Variants in ADAP1 observed in about 807,000 individuals in gnomAD.
ADAP1 encodes the protein ArfGAP with dual PH domains 1, also known as arf-GAP with dual PH domain-containing protein 1.
A neutral mutation model predicts 54.9 loss-of-function variants in ADAP1; 31 were observed. That is an observed-to-expected ratio of 0.56 (90% CI 0.42 to 0.76). The LOEUF is 0.76. ADAP1 is among the 30% of genes least tolerant of loss of function. ADAP1 has a pLI of 0.00. For missense variants in ADAP1, 535 were observed against 512.4 expected (o/e 1.04, Z -0.42); for synonymous variants, 313 against 202.6 (o/e 1.55, Z -4.63).
chr7:904,072 C>A, intron 6 of ADAP1, 54 bp downstream of exon 6: 1 of 1,600,818 alleles, frequency 6.2e-7, no homozygotes. Context: ...GCCACCCGGG[C>A]CTGAGGGCCC....
chr7:912,126 C>T lies in ADAP1; in HGVS notation c.389-6954G>A, dbSNP rs137975027. Among the ~76,000 whole-genome samples, 928 of 152,286 alleles carry T rather than the reference C, an allele frequency of 6.1e-3. 13 individuals are homozygous for T. The highest frequency in any genetic ancestry group is 0.021 in the African/African-American group (867 of 41,558). The stretch of plus-strand genomic sequence containing the variant: ...GGCTCCGTCTGCCCTGTGACATTTA[C>T]GGCAACGGTCGGCCCATCCCTGCCT... On this transcript the variant is annotated intron_variant, in intron 4 of 10. Coordinates refer to ENST00000265846, the MANE Select transcript of ADAP1 (RefSeq NM_006869.4).
intron 1 of ADAP1, among the ~76,000 whole-genome samples, chr7:936,242 C>G (rs1425524957): frequency 2.0e-5 from 3 of 150,966 alleles, no homozygotes; most frequent in Non-Finnish European, 2.9e-5. Context: ...AGTCTGTTGC[C>G]CAGGCTGGAG....
chr7:948,902 G>A (rs1847203972), intron 1 of ADAP1, among the ~76,000 whole-genome samples: 1 of 152,070 alleles, frequency 6.6e-6, no homozygotes, highest in Non-Finnish European at 1.5e-5. Context: ...TCACCATGTT[G>A]GCCAGGATGG....
intron 1 of ADAP1, 152 bp downstream of exon 1, chr7:954,244 T>A: frequency 1.3e-6 from 1 of 767,336 alleles, no homozygotes; most frequent in Middle Eastern, 6.6e-4. Context: ...CCGGGCCCCA[T>A]CCGAGCGCCG....
chr7:899,305 A>C (rs747562350), intron 9 of ADAP1, 44 bp from the exon 10 acceptor site: 6 of 1,608,240 alleles, frequency 3.7e-6, no homozygotes, highest in Non-Finnish European at 4.3e-6. Flanking sequence ...TGTCCCTTCC[A>C]GCCCCGCTTC....
At chr7:907,836 G>A (rs1312700569) in intron 4 of ADAP1, among the ~76,000 whole-genome samples, 1 of 152,118 alleles carries the variant, frequency 6.6e-6, no homozygotes, top group East Asian at 1.9e-4. Flanking sequence ...GACTCTCCTG[G>A]GATCACGGGG....
chr7:914,854 C>T (rs1845866793), intron 4 of ADAP1, among the ~76,000 whole-genome samples: 1 of 152,136 alleles, frequency 6.6e-6, no homozygotes, highest in Admixed American at 6.5e-5. Context: ...GCAGCCAGGC[C>T]TTCGTGCCTA....
intron 5 of ADAP1, among the ~76,000 whole-genome samples, chr7:904,825 G>C (rs775472912): frequency 2.0e-5 from 3 of 152,222 alleles, no homozygotes; most frequent in Non-Finnish European, 2.9e-5. Flanking sequence ...GAGTTCAGGG[G>C]GCCCCGCCCG....
At chr7:922,351 A>T (rs1846220807) in intron 3 of ADAP1, among the ~76,000 whole-genome samples, 1 of 152,144 alleles carries the variant, frequency 6.6e-6, no homozygotes. Context: ...GGTCCCCTCA[A>T]CGCAGAGCAA....
chr7:899,002 T>A, intron 10 of ADAP1, 31 bp downstream of exon 10: 1 of 1,609,654 alleles, frequency 6.2e-7, no homozygotes, highest in Non-Finnish European at 8.5e-7. Flanking sequence ...CTGGGAGCCC[T>A]TCCAGGCCGC....
At chr7:923,407 G>T (rs568365017) in intron 3 of ADAP1, 1 of 152,020 alleles carries the variant, frequency 6.6e-6, no homozygotes, top group Non-Finnish European at 1.5e-5. Context: ...AGGAAGCAGG[G>T]AGGGGCCGGT....
intron 4 of ADAP1, among the ~76,000 whole-genome samples, chr7:906,759 CAGGGG>C (rs1845455423): frequency 4.3e-4 from 7 of 16,172 alleles, no homozygotes; most frequent in African/African-American, 1.4e-3. Flanking sequence ...GGGACATGGA[CAGGGG>C]ACATGGGGGA....
At chr7:914,468 G>C (rs1466132829) in intron 4 of ADAP1, among the ~76,000 whole-genome samples, 1 of 152,174 alleles carries the variant, frequency 6.6e-6, no homozygotes, top group East Asian at 1.9e-4. Flanking sequence ...ACTGGCGCTG[G>C]AGCCCTGTGG....
intron 1 of ADAP1, among the ~76,000 whole-genome samples, chr7:944,255 C>A (rs1444699613): frequency 1.5e-5 from 2 of 135,434 alleles, no homozygotes; most frequent in South Asian, 2.4e-4. Flanking sequence ...TATTTTTAAC[C>A]TTTTTTTTTT....
chr7:904,535 C>T (rs1354443236), intron 5 of ADAP1, among the ~76,000 whole-genome samples: 1 of 152,128 alleles, frequency 6.6e-6, no homozygotes, highest in African/African-American at 2.4e-5. Flanking sequence ...CCGGGGGCAG[C>T]CCCGGGCCCC....
At chr7:903,922 T>G (rs62430820) in intron 6 of ADAP1, 83,100 of 597,622 alleles carry the variant, frequency 0.14, 6,625 homozygotes, top group East Asian at 0.26. Context: ...TGTCTTCCCA[T>G]GCTGCCCGGC....
intron 1 of ADAP1, among the ~76,000 whole-genome samples, chr7:941,766 A>G (rs1846945249): frequency 6.6e-6 from 1 of 152,250 alleles, no homozygotes; most frequent in South Asian, 2.1e-4. Context: ...TTTCAACAGG[A>G]TTTTAAAAAT....
rs922514250 is a variant in ADAP1 at position 920,500 on chromosome 7, C to T, written c.306-450G>A. Among the ~76,000 whole-genome samples the T allele has an allele frequency of 2.0e-5, 3 of 151,766 alleles. No homozygotes were observed. Among genetic ancestry groups the T allele is most frequent in the East Asian group, 2.0e-4 (1 of 5,122 alleles). On this transcript the variant is annotated intron_variant, in intron 3 of 10. Transcript: ENST00000265846. This position sits in a 1 kb window ranked among gnomAD's most constrained non-coding sequence, Gnocchi z 4.5. ...GGCCGCGGCGCCGCCCTCCACCCAC[C>T]GTGCTGCCACCTTGCACCCCCCGTG...
At chr7:924,681 A>G (rs1846323173) in intron 3 of ADAP1, among the ~76,000 whole-genome samples, 1 of 150,314 alleles carries the variant, frequency 6.7e-6, no homozygotes, top group African/African-American at 2.5e-5. Flanking sequence ...CAGCCCTGGG[A>G]GTCTCCTCAC....
Sources: gnomAD v4.1 joint callset for allele counts (sites outside exome capture counted in the v4.1 genomes callset) on GRCh38, gnomAD v4.1.1 for gene constraint, Gnocchi (gnomAD v3.1) non-coding constraint, MANE v1.5 for transcripts, NCBI Gene and HGNC (gene_info 2026-07-23, HGNC 2026-07-21) for gene names.